NRP1: variants seen among roughly 807,000 people sequenced by gnomAD.
NRP1 encodes the protein neuropilin 1.
NRP1 carries 35 observed loss-of-function variants against 106.7 expected under a neutral mutation model. The ratio of observed to expected loss-of-function variants is 0.33; its 90% confidence interval spans 0.25 to 0.43. The LOEUF (loss-of-function observed/expected upper bound fraction) is 0.43. Among genes scored for constraint, NRP1 ranks in the 20% least tolerant of loss-of-function variants. NRP1 has a pLI of 1.00. For missense variants in NRP1, 1,024 were observed against 1,170.4 expected, an observed-to-expected ratio of 0.87 and a Z score of 1.83; for synonymous variants, 437 against 417.9, an observed-to-expected ratio of 1.05 and a Z score of -0.56.
intron 6 of NRP1, among the ~76,000 whole-genome samples, chr10:33,229,744 G>T (rs1564403445): frequency 6.6e-6 from 1 of 152,048 alleles, no homozygotes; most frequent in Non-Finnish European, 1.5e-5. Context: ...CAATTGACTG[G>T]AATTAACTAG....
intron 8 of NRP1, among the ~76,000 whole-genome samples, chr10:33,216,703 A>G (rs1838806285): frequency 6.6e-6 from 1 of 152,042 alleles, no homozygotes; most frequent in African/African-American, 2.4e-5. Flanking sequence ...TGGCCTCCCA[A>G]AGTGCTGGGG....
chr10:33,237,576 CTTTTTTTT>C (rs36019831), intron 6 of NRP1, among the ~76,000 whole-genome samples: 1 of 99,880 alleles, frequency 1.0e-5, no homozygotes, highest in African/African-American at 3.9e-5. Context: ...TTTCCTTCTT[CTTTTTTTT>C]TTTTTTTTTT....
chr10:33,269,997 G>A (rs898126250), intron 3 of NRP1, among the ~76,000 whole-genome samples: 1 of 152,154 alleles, frequency 6.6e-6, no homozygotes, highest in African/African-American at 2.4e-5. Flanking sequence ...CACAATAAAT[G>A]TAATGCACTT....
intron 11 of NRP1, among the ~76,000 whole-genome samples, chr10:33,199,150 T>G (rs1356648590): frequency 6.6e-6 from 1 of 151,874 alleles, no homozygotes; most frequent in Non-Finnish European, 1.5e-5. Flanking sequence ...CCCATCCACC[T>G]GTCCTCTCCA....
At chr10:33,203,251 T>C (rs1013728769) in intron 10 of NRP1, among the ~76,000 whole-genome samples, 1 of 152,258 alleles carries the variant, frequency 6.6e-6, no homozygotes, top group Non-Finnish European at 1.5e-5. Flanking sequence ...TACATTGTTA[T>C]CTACATAAAC....
chr10:33,322,123 C>T (rs549079497), intron 2 of NRP1, among the ~76,000 whole-genome samples: 1 of 152,062 alleles, frequency 6.6e-6, no homozygotes, highest in Non-Finnish European at 1.5e-5. Context: ...AGTAGATGAC[C>T]AGCGCTTGGA....
chr10:33,286,801 C>A (rs547072869), intron 2 of NRP1, among the ~76,000 whole-genome samples: 3 of 152,002 alleles, frequency 2.0e-5, no homozygotes, highest in South Asian at 2.1e-4. Flanking sequence ...TTCTCTCCGC[C>A]CCCCCACCCA....
At chr10:33,197,588 G>T in intron 12 of NRP1, 62 bp downstream of exon 12, 1 of 1,327,524 alleles carries the variant, frequency 7.5e-7, no homozygotes, top group Non-Finnish European at 1.1e-6. Context: ...AAAGCGAGGA[G>T]CGCAGCCGCG....
At chr10:33,205,117 C>A (rs1837661371) in intron 10 of NRP1, among the ~76,000 whole-genome samples, 1 of 152,202 alleles carries the variant, frequency 6.6e-6, no homozygotes, top group Admixed American at 6.5e-5. Flanking sequence ...CATCTTTCTC[C>A]TGCATTCCCT....
chr10:33,207,781 G>A, intron 9 of NRP1, 65 bp from the exon 10 acceptor site: 1 of 1,562,724 alleles, frequency 6.4e-7, no homozygotes, highest in African/African-American at 1.4e-5. Flanking sequence ...TTTAGCAACT[G>A]TTTCTTCCCT....
chr10:33,238,862 A>G (rs932350373), intron 6 of NRP1, among the ~76,000 whole-genome samples: 1 of 151,562 alleles, frequency 6.6e-6, no homozygotes, highest in African/African-American at 2.4e-5. Context: ...ATGTGACCTA[A>G]TATTTTTTTA....
Position 33,207,632 on chromosome 10 carries a change from C to A in NRP1, c.1699G>T (p.Glu567Ter). The A allele has an allele frequency of 6.2e-7, 1 of 1,614,172 alleles. No individual in the cohort carries two copies. Among genetic ancestry groups the A allele is most frequent in the Non-Finnish European group, 8.5e-7 (1 of 1,180,036 alleles). The change falls in exon 10 of 17, where the codon GAG becomes TAG. Residue 567 changes from glutamate (E) to a stop codon, truncating the protein, a stop_gained. Transcript: ENST00000374867. LOFTEE classifies it high-confidence loss of function. ...LSTRFIRIYP[E>*]RATHGGLGLR... ...CCCAGTCCGCCATGAGTGGCTCTCT[C>A]GGGGTAGATCCTGATGAATCGCGTG...
intron 10 of NRP1, among the ~76,000 whole-genome samples, chr10:33,206,919 G>C (rs1236167881): frequency 6.6e-6 from 1 of 152,210 alleles, no homozygotes; most frequent in African/African-American, 2.4e-5. Context: ...CTAAGTGTAG[G>C]CAGTAATGTC....
intron 3 of NRP1, among the ~76,000 whole-genome samples, chr10:33,268,680 A>C (rs1056306643): frequency 6.6e-6 from 1 of 152,188 alleles, no homozygotes; most frequent in Non-Finnish European, 1.5e-5. Flanking sequence ...CCCTTTTCTG[A>C]CACCTTTGTC....
chr10:33,179,851 T>G lies in NRP1; in HGVS notation c.*225A>C. The G allele has an allele frequency of 1.8e-6, 1 of 558,346 alleles. No homozygotes were observed. The highest frequency in any genetic ancestry group is 2.5e-5 in the South Asian group (1 of 40,352). 34.6% of individuals were successfully genotyped at this position (558,346 alleles called of 1,614,324 possible). On this transcript the variant is annotated 3_prime_UTR_variant, in exon 17 of 17. Transcript: ENST00000374867. ...GGTCTCAACACCAGCATCTGATTAT[T>G]CAAATGAAACCAACAGGAAAAAAGC...
intron 12 of NRP1, among the ~76,000 whole-genome samples, chr10:33,193,014 G>T (rs1836521925): frequency 6.6e-6 from 1 of 151,990 alleles, no homozygotes; most frequent in Admixed American, 6.6e-5. Context: ...ATTAATTTAA[G>T]TATAAATTTC....
intron 2 of NRP1, among the ~76,000 whole-genome samples, chr10:33,303,485 A>G (rs756199451): frequency 6.6e-6 from 1 of 152,166 alleles, no homozygotes; most frequent in East Asian, 1.9e-4. Flanking sequence ...CCTTCCTTCC[A>G]TACTTTTTAG....
At chr10:33,304,623 G>A (rs1031841398) in intron 2 of NRP1, among the ~76,000 whole-genome samples, 1 of 152,172 alleles carries the variant, frequency 6.6e-6, no homozygotes, top group Non-Finnish European at 1.5e-5. Context: ...GCAATAAGCT[G>A]TGTCTTTCCT....
rs78621347 is a variant in NRP1, at chr10:33,301,559, C to A, written c.248+29149G>T. Among the ~76,000 whole-genome samples, 3 of 152,250 alleles carry A rather than the reference C, an allele frequency of 2.0e-5. No individual in the cohort carries two copies. The East Asian group carries it at 5.8e-4, about 29-fold the overall frequency. On this transcript the variant is annotated intron_variant, in intron 2 of 16. Coordinates refer to ENST00000374867, the MANE Select transcript of NRP1 (RefSeq NM_003873.7). Reference sequence around the variant, plus strand: ...AGTACAATGATAAAACATGTTACTACTGACTTCTGTCTGGAAAAAGACGAT... The same window carrying A: ...AGTACAATGATAAAACATGTTACTAATGACTTCTGTCTGGAAAAAGACGAT...
Sources: allele counts gnomAD v4.1 joint callset (sites outside exome capture counted in the v4.1 genomes callset), GRCh38; gene constraint gnomAD v4.1.1; transcripts MANE v1.5; gene names NCBI Gene and HGNC (gene_info 2026-07-23, HGNC 2026-07-21).